Variants in NR3C1 observed in about 807,000 individuals in gnomAD.
NR3C1 encodes glucocorticoid receptor.
A neutral mutation model predicts 74.0 loss-of-function variants in NR3C1; 14 were observed. That is an observed-to-expected ratio of 0.19 (90% CI 0.12 to 0.30). The LOEUF is 0.30. Ranked by LOEUF, NR3C1 falls within the 10% of genes least tolerant of loss-of-function variation. NR3C1 has a pLI of 1.00. For missense variants in NR3C1, 695 were observed against 909.8 expected (o/e 0.76, Z 3.04); for synonymous variants, 308 against 332.5 (o/e 0.93, Z 0.80).
chr5:143,300,563 A>C lies in NR3C1; in HGVS notation c.1669T>G (p.Trp557Gly). ...ATGTTGAGCGTAGTCATGATCCTCC[A>C]AGTTGAGTCTGGAACAGAGCTATCA... is the stretch of plus-strand genomic sequence containing the variant. ...GYDSSVPDST[W>G]RIMTTLNMLG... The change falls in exon 5 of 9, where the codon TGG becomes GGG. Residue 557 changes from tryptophan to glycine, a missense_variant. Coordinates refer to ENST00000394464, the MANE Select transcript of NR3C1 (RefSeq NM_000176.3). The surrounding 1 kb of genome is among the most constrained non-coding windows in gnomAD (Gnocchi z 5.2). The C allele has an allele frequency of 6.2e-7, 1 of 1,614,188 alleles. No individual in the cohort carries two copies. The highest frequency in any genetic ancestry group is 8.5e-7 in the Non-Finnish European group (1 of 1,180,022).
At chr5:143,401,062 C>T (rs1288856761) in intron 1 of NR3C1, among the ~76,000 whole-genome samples, 2 of 152,210 alleles carry the variant, frequency 1.3e-5, no homozygotes, top group African/African-American at 2.4e-5. Flanking sequence ...TTTAAAAGTA[C>T]AATGCAATCC....
At chr5:143,346,867 TC>T (rs1244763706) in intron 2 of NR3C1, among the ~76,000 whole-genome samples, 1 of 152,224 alleles carries the variant, frequency 6.6e-6, no homozygotes, top group Non-Finnish European at 1.5e-5. Flanking sequence ...CAAATAAGAT[TC>T]TTTTATAATT....
At position 143,400,772 on chromosome 5, in the gene NR3C1, C is replaced by T. The variant is rs6190; in HGVS notation, c.68G>A (p.Arg23Lys). The T allele has an allele frequency of 0.024, 38,732 of 1,614,144 alleles. 590 individuals are homozygous for T. Among genetic ancestry groups the T allele is most frequent in the Non-Finnish European group, 0.028 (33,297 of 1,180,012 alleles). The change falls in exon 2 of 9, where the codon AGG becomes AAG. Residue 23 changes from arginine to lysine, a missense_variant. Arg to Lys is a conservative substitution (Grantham distance 26). This residue lies in a region of NR3C1 where 497 missense variants were observed against 489.5 expected (regional missense o/e 1.02). Transcript: ENST00000394464. ...ENPSSVLAQE[R>K]GDVMDFYKTL... The stretch of plus-strand genomic sequence containing the variant: ...TTTATAGAAGTCCATCACATCTCCC[C>T]TCTCCTGAGCAAGCACACTGCTGGG...
chr5:143,405,920 A>G (rs1392815261), upstream of NR3C1, among the ~76,000 whole-genome samples: 2 of 152,166 alleles, frequency 1.3e-5, no homozygotes, highest in African/African-American at 2.4e-5. Flanking sequence ...CTCAAGCACT[A>G]GAATGAGATG....
chr5:143,353,071 G>C (rs1419995401), intron 2 of NR3C1, among the ~76,000 whole-genome samples: 1 of 152,116 alleles, frequency 6.6e-6, no homozygotes, highest in Non-Finnish European at 1.5e-5. Flanking sequence ...ATTTCAACAA[G>C]GTTCACAGAA....
At chr5:143,305,853 C>G (rs1349945385) in intron 4 of NR3C1, among the ~76,000 whole-genome samples, 1 of 152,114 alleles carries the variant, frequency 6.6e-6, no homozygotes, top group Non-Finnish European at 1.5e-5. Context: ...ATCTTAGTAA[C>G]AAACCTGTAC....
At chr5:143,417,324 T>C (rs1750960469) in intron 1 of NR3C1, among the ~76,000 whole-genome samples, 1 of 152,186 alleles carries the variant, frequency 6.6e-6, no homozygotes, top group South Asian at 2.1e-4. Context: ...CTGTCTTATT[T>C]ACATAAACTT....
intron 2 of NR3C1, among the ~76,000 whole-genome samples, chr5:143,367,530 A>G (rs1445395988): frequency 1.3e-5 from 2 of 152,238 alleles, no homozygotes; most frequent in East Asian, 3.8e-4. Flanking sequence ...ATACTCTATT[A>G]TGCTAATCAA....
intron 4 of NR3C1, among the ~76,000 whole-genome samples, 156 bp downstream of exon 4, chr5:143,309,941 T>A (rs1820546059): frequency 6.6e-6 from 1 of 152,198 alleles, no homozygotes; most frequent in Non-Finnish European, 1.5e-5. Context: ...GAAAAAAATT[T>A]CCCATTTTTA....
intron 1 of NR3C1, among the ~76,000 whole-genome samples, chr5:143,431,600 A>G (rs1440659269): frequency 6.6e-6 from 1 of 152,134 alleles, no homozygotes; most frequent in African/African-American, 2.4e-5. Flanking sequence ...CCACCATGGC[A>G]CATGCATACC....
chr5:143,282,777 C>CTTTTCT, intron 7 of NR3C1, 52 bp from the exon 8 acceptor site: 3 of 1,325,976 alleles, frequency 2.3e-6, no homozygotes, highest in East Asian at 5.4e-5. Context: ...CTTTTCTTTT[C>CTTTTCT]TTTTTTTTTT....
intron 1 of NR3C1, among the ~76,000 whole-genome samples, chr5:143,419,398 G>T (rs1751096858): frequency 3.3e-5 from 5 of 152,118 alleles, no homozygotes; most frequent in African/African-American, 9.7e-5. Context: ...TAAAAGAAAT[G>T]TGGCATTCCA....
chr5:143,311,459 C>G (rs1165560894), intron 3 of NR3C1, among the ~76,000 whole-genome samples: 2 of 152,204 alleles, frequency 1.3e-5, no homozygotes, highest in African/African-American at 4.8e-5. Context: ...GCTATAGGAT[C>G]AGAGGCAATG....
chr5:143,362,919 C>T (rs1832545653), intron 2 of NR3C1, among the ~76,000 whole-genome samples: 1 of 152,098 alleles, frequency 6.6e-6, no homozygotes, highest in African/African-American at 2.4e-5. Flanking sequence ...TGAAAGGGTC[C>T]AACATACTCC....
At chr5:143,343,668 T>C (rs542596746) in intron 2 of NR3C1, among the ~76,000 whole-genome samples, 63 of 152,328 alleles carry the variant, frequency 4.1e-4, no homozygotes, top group African/African-American at 1.5e-3. Context: ...TTCCTCTTTC[T>C]TACAAGTTGC....
rs1812790445 is a variant in NR3C1, at chr5:143,279,473, TAAG to T, written c.*2413_*2415del. The T allele has an allele frequency of 6.9e-7, 1 of 1,452,566 alleles. No homozygotes were observed. The allele number at this position is 1,452,566 out of a possible 1,614,324, so 90.0% of individuals were successfully genotyped here. ...TTTTGAAACTTAACACTGTCATTGA[TAAG>T]AATATTCAAGCAGTTTTCTTAGGCA... On this transcript the variant is annotated 3_prime_UTR_variant, in exon 9 of 9. Transcript: ENST00000394464.
At chr5:143,349,141 G>A (rs139649972) in intron 2 of NR3C1, among the ~76,000 whole-genome samples, 5 of 152,194 alleles carry the variant, frequency 3.3e-5, no homozygotes, top group East Asian at 1.9e-4. Flanking sequence ...TTTTTGTGGC[G>A]ATTGTTAAAC....
chr5:143,288,632 T>C (rs912292037), intron 7 of NR3C1, among the ~76,000 whole-genome samples: 9 of 151,982 alleles, frequency 5.9e-5, no homozygotes, highest in Non-Finnish European at 1.3e-4. Flanking sequence ...CTACCATGCC[T>C]GGCTAATTTT....
chr5:143,392,630 T>C (rs1235750650), intron 2 of NR3C1, among the ~76,000 whole-genome samples: 1 of 152,076 alleles, frequency 6.6e-6, no homozygotes, highest in African/African-American at 2.4e-5. Flanking sequence ...TGAGACTTAA[T>C]ACAGTAACTA....
Sources: gnomAD v4.1 joint callset for allele counts (sites outside exome capture counted in the v4.1 genomes callset) on GRCh38, gnomAD v4.1.1 for gene constraint, gnomAD v4.1.1 regional missense constraint, Gnocchi (gnomAD v3.1) non-coding constraint, MANE v1.5 for transcripts, NCBI Gene and HGNC (gene_info 2026-07-23, HGNC 2026-07-21) for gene names.